EDIL3: variants seen among roughly 807,000 people sequenced by gnomAD.
EDIL3 encodes EGF like and discoidin domains 3, also known as EGF-like repeat and discoidin I-like domain-containing protein 3.
EDIL3 carries 37 observed loss-of-function variants against 67.4 expected under a neutral mutation model. The ratio of observed to expected loss-of-function variants is 0.55; its 90% CI spans 0.42 to 0.72. The LOEUF (loss-of-function observed/expected upper bound fraction) is 0.72, where lower values mean the gene tolerates loss of function less well. EDIL3 is among the 30% of genes least tolerant of loss of function. EDIL3 has a pLI of 0.00. For synonymous variants in EDIL3, 195 were observed against 196.3 expected, an observed-to-expected ratio of 0.99 and a Z score of 0.05; for missense variants, 527 against 586.3, an observed-to-expected ratio of 0.90 and a Z score of 1.04.
At chr5:84,116,235 T>C (rs980509425) in intron 5 of EDIL3, among the ~76,000 whole-genome samples, 1 of 148,120 alleles carries the variant, frequency 6.8e-6, no homozygotes, top group Non-Finnish European at 1.5e-5. Context: ...CAGGAGGCCA[T>C]TGCAGGTGCC....
intron 1 of EDIL3, among the ~76,000 whole-genome samples, chr5:84,366,576 C>T (rs1425972325): frequency 5.3e-5 from 8 of 152,096 alleles, no homozygotes; most frequent in Non-Finnish European, 1.5e-5. Flanking sequence ...TCTCTATGAA[C>T]ATTTTAATGG....
chr5:84,133,681 T>C (rs1057123333), intron 5 of EDIL3, among the ~76,000 whole-genome samples: 1 of 151,794 alleles, frequency 6.6e-6, no homozygotes, highest in East Asian at 1.9e-4. Context: ...AGGACTTTAA[T>C]TAGAAGAATT....
chr5:84,051,208 G>A (rs1746330358), intron 9 of EDIL3, among the ~76,000 whole-genome samples: 1 of 152,184 alleles, frequency 6.6e-6, no homozygotes, highest in Non-Finnish European at 1.5e-5. Flanking sequence ...AACAGGGTCT[G>A]GAGCAGACCT....
intron 3 of EDIL3, among the ~76,000 whole-genome samples, chr5:84,211,001 G>T (rs1041564240): frequency 3.9e-5 from 6 of 151,976 alleles, no homozygotes; most frequent in African/African-American, 1.5e-4. Flanking sequence ...CCGCCACCCC[G>T]CCCCCCAACC....
intron 1 of EDIL3, among the ~76,000 whole-genome samples, chr5:84,268,114 G>A (rs189379898): frequency 2.0e-5 from 3 of 152,034 alleles, no homozygotes; most frequent in Admixed American, 1.3e-4. Flanking sequence ...TCCAAGCTGG[G>A]TGACAGAGTG....
chr5:83,956,035 A>C (rs1364218595), intron 10 of EDIL3, among the ~76,000 whole-genome samples: 1 of 151,804 alleles, frequency 6.6e-6, no homozygotes, highest in Non-Finnish European at 1.5e-5. Flanking sequence ...GAGCTCCTTC[A>C]GACAGAATGG....
chr5:84,224,864 C>T (rs565980634), intron 3 of EDIL3, among the ~76,000 whole-genome samples: 1 of 151,592 alleles, frequency 6.6e-6, no homozygotes, highest in Admixed American at 6.6e-5. Context: ...TATCAACATA[C>T]TTAGATTAAA....
chr5:84,254,321 G>C (rs1745088249), intron 1 of EDIL3, 109 bp from the exon 2 acceptor site: 1 of 1,234,780 alleles, frequency 8.1e-7, no homozygotes, highest in South Asian at 1.8e-5. Flanking sequence ...AAAAGTCAGG[G>C]TAATATTAAG....
At chr5:84,084,004 T>C (rs1217564175) in intron 6 of EDIL3, among the ~76,000 whole-genome samples, 2 of 147,898 alleles carry the variant, frequency 1.4e-5, no homozygotes, top group African/African-American at 5.3e-5. Context: ...TGTGGTCATC[T>C]CTGCTTCCTT....
intron 9 of EDIL3, among the ~76,000 whole-genome samples, chr5:84,022,738 A>T (rs562940712): frequency 6.6e-6 from 1 of 152,120 alleles, no homozygotes; most frequent in East Asian, 1.9e-4. Context: ...AGAATAATAG[A>T]TACTAGAGGT....
At chr5:84,038,716 G>A (rs1389594958) in intron 9 of EDIL3, among the ~76,000 whole-genome samples, 1 of 152,212 alleles carries the variant, frequency 6.6e-6, no homozygotes, top group Non-Finnish European at 1.5e-5. Flanking sequence ...AAAAATCCAG[G>A]GGTCTAGGTG....
chr5:84,034,436 T>TA (rs1745982339), intron 9 of EDIL3, among the ~76,000 whole-genome samples: 1 of 152,196 alleles, frequency 6.6e-6, no homozygotes, highest in Non-Finnish European at 1.5e-5. Flanking sequence ...TAATGGAAAC[T>TA]TTATGCAACA....
Position 84,254,068 on chromosome 5 carries a change from TA to T in EDIL3, c.196+15del, listed in dbSNP as rs1232681163. 4 of 1,574,852 alleles carry T rather than the reference TA, an allele frequency of 2.5e-6. No individual in the cohort carries two copies. The Admixed American group carries it at 7.4e-5, about 29-fold the overall frequency. ...ATAAAAAGATAACTACTGAAATACT[TA>T]AATTTTGCACTTACCAACCTCCACA... On this transcript the variant is annotated intron_variant, in intron 2 of 10. Transcript: ENST00000296591.
chr5:84,179,384 C>A (rs968049367), intron 4 of EDIL3, among the ~76,000 whole-genome samples: 23 of 152,070 alleles, frequency 1.5e-4, no homozygotes, highest in African/African-American at 5.6e-4. Flanking sequence ...GTTTAGATGC[C>A]CGTTGTACAA....
chr5:84,142,981 A>C (rs1215168410), intron 4 of EDIL3, among the ~76,000 whole-genome samples: 6 of 151,958 alleles, frequency 3.9e-5, no homozygotes, highest in African/African-American at 1.4e-4. Flanking sequence ...CCTTAACAAC[A>C]CATCTTCCCT....
At chr5:84,028,020 T>C (rs1333072855) in intron 9 of EDIL3, among the ~76,000 whole-genome samples, 1 of 152,202 alleles carries the variant, frequency 6.6e-6, no homozygotes, top group African/African-American at 2.4e-5. Context: ...ATATTTTATA[T>C]GAACTCCAGT....
chr5:84,149,145 G>C (rs993722471), intron 4 of EDIL3, among the ~76,000 whole-genome samples: 1 of 152,094 alleles, frequency 6.6e-6, no homozygotes, highest in Non-Finnish European at 1.5e-5. Context: ...CTGGAGAGTC[G>C]ACGGAGGCTA....
intron 9 of EDIL3, among the ~76,000 whole-genome samples, chr5:84,021,311 G>A (rs1745709726): frequency 6.6e-6 from 1 of 151,466 alleles, no homozygotes; most frequent in East Asian, 1.9e-4. Flanking sequence ...TACAACATTA[G>A]ATTGTTTATT....
At chr5:83,979,777 A>C (rs568835255) in intron 9 of EDIL3, among the ~76,000 whole-genome samples, 2 of 152,184 alleles carry the variant, frequency 1.3e-5, no homozygotes, top group South Asian at 2.1e-4. Context: ...TCCTGGAATG[A>C]AGGCTAGGGT....
Sources: allele counts gnomAD v4.1 joint callset (sites outside exome capture counted in the v4.1 genomes callset), GRCh38; gene constraint gnomAD v4.1.1; transcripts MANE v1.5; gene names NCBI Gene and HGNC (gene_info 2026-07-23, HGNC 2026-07-21).